Variants in SAFB2 observed in about 807,000 individuals in gnomAD.
The protein encoded by SAFB2 is scaffold attachment factor B2.
A neutral mutation model predicts 100.6 loss-of-function variants in SAFB2; 32 were observed. The observed-to-expected ratio is 0.32, with a 90% confidence interval of 0.24 to 0.43. The LOEUF (loss-of-function observed/expected upper bound fraction) is 0.43, where lower values mean the gene tolerates loss of function less well. Ranked by LOEUF, SAFB2 falls within the 20% of genes least tolerant of loss-of-function variation. SAFB2 has a pLI of 1.00. For missense variants in SAFB2, 1,185 were observed against 1,163.4 expected, an observed-to-expected ratio of 1.02 and a Z score of -0.27; for synonymous variants, 500 against 439.4, an observed-to-expected ratio of 1.14 and a Z score of -1.72.
chr19:5,597,035 T>C (rs186646231), intron 13 of SAFB2, among the ~76,000 whole-genome samples: 114 of 152,224 alleles, frequency 7.5e-4, no homozygotes, highest in Non-Finnish European at 1.4e-3. Flanking sequence ...AGCACTTTGA[T>C]GGCAAGCTTT....
rs767674920 is a variant in SAFB2 at position 5,587,218 on chromosome 19, C to T, written c.*25G>A. 1.1e-5 allele frequency: 17 copies of T among 1,607,028 alleles called. 1 individual carries two copies. In the South Asian group the frequency reaches 1.9e-4, roughly 18 times the overall value. On this transcript the variant is annotated 3_prime_UTR_variant, in exon 21 of 21. Coordinates refer to ENST00000252542, the MANE Select transcript of SAFB2 (RefSeq NM_014649.3). This position sits in a 1 kb window ranked among gnomAD's most constrained non-coding sequence, Gnocchi z 4.9. The stretch of plus-strand genomic sequence containing the variant: ...CCAGATTCAACAGTGCGTCTGCCCA[C>T]CCGAAAACTCGCAGCGAGTGGGACT...
rs2052410969 is a variant in SAFB2 at position 5,591,761 on chromosome 19, T to C, written c.2381A>G (p.His794Arg). The change falls in exon 17 of 21, where the codon CAC (histidine) becomes CGC (arginine). Residue 794 changes from histidine to arginine, a missense_variant. His to Arg is a conservative substitution (Grantham distance 29, BLOSUM62 0). Transcript: ENST00000252542. ...GGCTCTACTCACCTGCCCATCCCGG[T>C]GGTCTCCCATCATTGGCCTCGAACC... is the stretch of plus-strand genomic sequence containing the variant. ...REGSRPMMGD[H>R]RDGQHYGDDR... 6.2e-7 allele frequency: 1 copy of C among 1,613,888 alleles called. No individual in the cohort carries two copies. The highest frequency in any genetic ancestry group is 1.3e-5 in the African/African-American group (1 of 74,884).
At chr19:5,596,986 GA>G (rs1359566684) in intron 13 of SAFB2, among the ~76,000 whole-genome samples, 1 of 152,168 alleles carries the variant, frequency 6.6e-6, no homozygotes, top group African/African-American at 2.4e-5. Flanking sequence ...AGGCTGGGGA[GA>G]AAGGGGCACA....
At chr19:5,588,726 G>A (rs955783457) in intron 18 of SAFB2, among the ~76,000 whole-genome samples, 4 of 152,150 alleles carry the variant, frequency 2.6e-5, no homozygotes, top group Non-Finnish European at 5.9e-5. Context: ...GGGGGAGGGT[G>A]CAGCTGCTAA....
Position 5,594,157 on chromosome 19 carries a change from C to G in SAFB2, c.1941G>C (p.Arg647=). Residue 647 remains arginine (R), a synonymous_variant, in exon 15 of 21, where the codon CGG becomes CGC. Transcript: ENST00000252542. ...CATGGAAGGCCTCGAGGCGTTGCTC[C>G]CGCTCCCGCTGCTCGCGCTCCCTGC... The part of the protein sequence containing the change: ...ERRREREQRE[R]EQRLEAFHER... The G allele has an allele frequency of 6.3e-7, 1 of 1,598,300 alleles. No individual in the cohort carries two copies. Among genetic ancestry groups the G allele is most frequent in the Non-Finnish European group, 8.5e-7 (1 of 1,177,734 alleles).
intron 11 of SAFB2, among the ~76,000 whole-genome samples, chr19:5,601,476 C>G (rs1212702874): frequency 6.6e-6 from 1 of 151,944 alleles, no homozygotes; most frequent in Non-Finnish European, 1.5e-5. Context: ...TTTGGGAGAC[C>G]AAGGTAGGCG....
chr19:5,589,423 G>A (rs1049969457), intron 18 of SAFB2, among the ~76,000 whole-genome samples: 12 of 152,058 alleles, frequency 7.9e-5, no homozygotes, highest in South Asian at 4.1e-4. Flanking sequence ...GCCTCTCAGC[G>A]CGGAGGGAGG....
intron 11 of SAFB2, among the ~76,000 whole-genome samples, chr19:5,601,147 TA>T (rs1308273527): frequency 6.6e-6 from 1 of 152,080 alleles, no homozygotes; most frequent in Admixed American, 6.6e-5. Flanking sequence ...GAGTTGTCTT[TA>T]AAAAAAATAT....
At chr19:5,601,539 T>G (rs542609926) in intron 11 of SAFB2, among the ~76,000 whole-genome samples, 4 of 152,064 alleles carry the variant, frequency 2.6e-5, no homozygotes, top group African/African-American at 9.6e-5. Context: ...TGAAACTCCG[T>G]CTCTACTAAA....
At chr19:5,608,459 T>C (rs558937752) in intron 9 of SAFB2, among the ~76,000 whole-genome samples, 11 of 152,354 alleles carry the variant, frequency 7.2e-5, no homozygotes, top group East Asian at 1.9e-4. Flanking sequence ...AGGTTATTCA[T>C]GGCTATAAGA....
At chr19:5,612,242 T>G in intron 6 of SAFB2, 1 of 468,332 alleles carries the variant, frequency 2.1e-6, no homozygotes, top group South Asian at 2.8e-5. Flanking sequence ...CTGTTTCATG[T>G]GTAGAAACAC....
Position 5,587,995 on chromosome 19 carries a change from A to G in SAFB2, c.2526-15T>C. On this transcript the variant is annotated splice_polypyrimidine_tract_variant and intron_variant, in intron 18 of 20. Coordinates refer to ENST00000252542, the MANE Select transcript of SAFB2 (RefSeq NM_014649.3). This position sits in a 1 kb window ranked among gnomAD's most constrained non-coding sequence, Gnocchi z 4.9. ...CACGGCCACCCCTTTGCCAAAAGAAAAAGACATGCAGCCATCTAATGAGCC... is the reference window on the plus strand; with the variant it reads ...CACGGCCACCCCTTTGCCAAAAGAAGAAGACATGCAGCCATCTAATGAGCC... 6.2e-7 allele frequency: 1 copy of G among 1,605,496 alleles called. No individual in the cohort carries two copies. Among genetic ancestry groups the G allele is most frequent in the Admixed American group, 1.7e-5 (1 of 59,232 alleles).
chr19:5,591,786 C>G lies in SAFB2; in HGVS notation c.2356G>C (p.Gly786Arg), dbSNP rs529098214. 6 of 1,614,036 alleles carry G rather than the reference C, an allele frequency of 3.7e-6. No homozygotes were observed. The highest frequency in any genetic ancestry group is 4.2e-6 in the Non-Finnish European group (5 of 1,179,986). Residue 786 changes from glycine to arginine, a missense_variant, in exon 17 of 21, where the codon GGT becomes CGT. Gly to Arg is a moderately radical substitution (Grantham distance 125). Around this residue, in one of 3 missense-constraint regions of SAFB2, gnomAD observed 740 missense variants for 687.1 expected, o/e 1.08. Coordinates refer to ENST00000252542, the MANE Select transcript of SAFB2 (RefSeq NM_014649.3). ...YQDHAIDRRE[G>R]SRPMMGDHRD... ...TGGTCTCCCATCATTGGCCTCGAAC[C>G]CTCCCGCCTGCAAAAGGAAAAGATC... is the stretch of plus-strand genomic sequence containing the variant.
At chr19:5,589,353 T>G (rs2052337327) in intron 18 of SAFB2, among the ~76,000 whole-genome samples, 2 of 152,010 alleles carry the variant, frequency 1.3e-5, no homozygotes, top group Admixed American at 1.3e-4. Flanking sequence ...AGGAGAAGCT[T>G]CGGGTGTCCT....
chr19:5,591,134 C>T (rs1340739431), intron 17 of SAFB2, among the ~76,000 whole-genome samples: 1 of 152,166 alleles, frequency 6.6e-6, no homozygotes, highest in Admixed American at 6.5e-5. Flanking sequence ...ACCCCACAGG[C>T]ACTAAGACCC....
chr19:5,616,074 C>T (rs750852648), intron 4 of SAFB2, 58 bp downstream of exon 4: 8 of 1,529,126 alleles, frequency 5.2e-6, no homozygotes, highest in South Asian at 2.3e-5. Flanking sequence ...GAGCAGCACG[C>T]GAGCACCAGG....
intron 8 of SAFB2, 151 bp from the exon 9 acceptor site, chr19:5,610,246 C>T (rs940289324): frequency 3.1e-6 from 2 of 641,666 alleles, no homozygotes; most frequent in Non-Finnish European, 5.5e-6. Context: ...TGCCAACACA[C>T]AGAAGGCTGA....
chr19:5,605,432 A>G (rs935317329), intron 9 of SAFB2, among the ~76,000 whole-genome samples: 6 of 152,164 alleles, frequency 3.9e-5, no homozygotes, highest in Admixed American at 1.3e-4. Flanking sequence ...TTAATACAAG[A>G]TAAGTCATCA....
intron 9 of SAFB2, among the ~76,000 whole-genome samples, chr19:5,606,988 G>A (rs369529590): frequency 3.3e-5 from 5 of 152,146 alleles, no homozygotes; most frequent in Admixed American, 1.3e-4. Context: ...TTGGCTGGGC[G>A]TGGTGGCTCA....
Sources: gnomAD v4.1 joint callset for allele counts (sites outside exome capture counted in the v4.1 genomes callset) on GRCh38, gnomAD v4.1.1 for gene constraint, gnomAD v4.1.1 regional missense constraint, Gnocchi (gnomAD v3.1) non-coding constraint, MANE v1.5 for transcripts, NCBI Gene and HGNC (gene_info 2026-07-23, HGNC 2026-07-21) for gene names.